PTPRA: variants seen among roughly 807,000 people sequenced by gnomAD.
PTPRA encodes the protein receptor-type tyrosine-protein phosphatase alpha.
In PTPRA, 25 loss-of-function variants were observed where a neutral mutation model predicts 104.8. That is an observed-to-expected ratio of 0.24 (90% confidence interval 0.17 to 0.33). PTPRA has a LOEUF of 0.33. Ranked by LOEUF, PTPRA falls within the 10% of genes least tolerant of loss-of-function variation. PTPRA has a pLI of 1.00. For synonymous variants in PTPRA, 323 were observed against 368.9 expected (o/e 0.88, Z 1.43); for missense variants, 765 against 1,015.3 (o/e 0.75, Z 3.35).
At chr20:3,007,491 CTG>C in intron 11 of PTPRA, 71 bp downstream of exon 11, 1 of 1,468,470 alleles carries the variant, frequency 6.8e-7, no homozygotes, top group Non-Finnish European at 9.5e-7. Flanking sequence ...TCCTCCCCAG[CTG>C]TGTGTTAGGA....
chr20:3,032,724 C>T lies in PTPRA; in HGVS notation c.1921-2861C>T, dbSNP rs188976261. ...AAGGTTGCAATGAGCCAAGATCGCG[C>T]CACTGCATTCCAGCCTGGTGGCAGA... On this transcript the variant is annotated intron_variant, in intron 20 of 23. Transcript: ENST00000399903. 2.5e-3 allele frequency among the ~76,000 whole-genome samples: 372 copies of T among 151,380 alleles called. 6 individuals carry two copies. Among genetic ancestry groups the T allele is most frequent in the Non-Finnish European group, 3.9e-3 (267 of 67,710 alleles).
intron 1 of PTPRA, among the ~76,000 whole-genome samples, chr20:2,915,008 G>T (rs1208183416): frequency 6.6e-6 from 1 of 151,702 alleles, no homozygotes; most frequent in Non-Finnish European, 1.5e-5. Flanking sequence ...TTTGCATTTT[G>T]ACTTCTTTTA....
intron 20 of PTPRA, among the ~76,000 whole-genome samples, chr20:3,029,085 T>C (rs566257349): frequency 6.6e-6 from 1 of 150,622 alleles, no homozygotes; most frequent in East Asian, 1.9e-4. Context: ...TTTACACATA[T>C]TTTCTCACCC....
intron 17 of PTPRA, among the ~76,000 whole-genome samples, chr20:3,026,129 G>C (rs990230833): frequency 6.6e-6 from 1 of 151,616 alleles, no homozygotes; most frequent in Non-Finnish European, 1.5e-5. Context: ...GTAGAGACAG[G>C]GTTTCACCAT....
At chr20:2,911,898 C>G (rs905659637) in intron 1 of PTPRA, among the ~76,000 whole-genome samples, 2 of 152,052 alleles carry the variant, frequency 1.3e-5, no homozygotes, top group Non-Finnish European at 2.9e-5. Context: ...AGACTGCTCT[C>G]AAACTAAAGA....
chr20:2,893,565 T>C (rs1391858358), intron 1 of PTPRA, among the ~76,000 whole-genome samples: 1 of 152,190 alleles, frequency 6.6e-6, no homozygotes, highest in African/African-American at 2.4e-5. Context: ...ATATCATATA[T>C]TTAATCACAT....
At chr20:2,904,337 G>A (rs1011920509) in intron 1 of PTPRA, among the ~76,000 whole-genome samples, 1 of 152,060 alleles carries the variant, frequency 6.6e-6, no homozygotes, top group African/African-American at 2.4e-5. Context: ...AGACTAATTT[G>A]AAGAAAACTA....
At chr20:2,967,600 C>CTGG (rs2061992715) in intron 5 of PTPRA, among the ~76,000 whole-genome samples, 1 of 152,158 alleles carries the variant, frequency 6.6e-6, no homozygotes, top group African/African-American at 2.4e-5. Context: ...CTGGCTAACA[C>CTGG]CTGTAATCCC....
At chr20:2,910,004 CATATATCATATATAATCTATCAT>C in intron 1 of PTPRA, among the ~76,000 whole-genome samples, 1 of 63,242 alleles carries the variant, frequency 1.6e-5, no homozygotes, top group African/African-American at 1.1e-4. Flanking sequence ...TATAATCTAT[CATATATCATATATAATCTATCAT>C]ATATCATATC....
intron 2 of PTPRA, among the ~76,000 whole-genome samples, chr20:2,924,257 CT>C (rs2060207633): frequency 6.6e-6 from 1 of 152,100 alleles, no homozygotes; most frequent in African/African-American, 2.4e-5. Flanking sequence ...CAAAAATGAG[CT>C]GAGTGTGGTG....
At chr20:2,864,241 C>G in the PTPRA span, 4 of 1,614,222 alleles carry the variant, frequency 2.5e-6, no homozygotes, top group Admixed American at 6.7e-5. The surrounding 1 kb of genome is among the most constrained non-coding windows in gnomAD (Gnocchi z 5.2). Flanking sequence ...TGAAGAGGAG[C>G]AAACTGGCAC....
In PTPRA at chr20:2,950,421, G is replaced by A. The variant is rs989149025; in HGVS notation, c.-7+2397G>A. 8.6e-5 allele frequency among the ~76,000 whole-genome samples: 13 copies of A among 151,702 alleles called. No individual in the cohort carries two copies. The highest frequency in any genetic ancestry group is 1.5e-4 in the African/African-American group (6 of 41,294). ...TGGGAGGCCGAGGCGGGCGGATCAC[G>A]AGGTCAAGAGATCGAGACCATCCTG... On this transcript the variant is annotated intron_variant, in intron 3 of 23. Coordinates refer to ENST00000399903, the MANE Select transcript of PTPRA (RefSeq NM_001385305.1). The surrounding 1 kb of genome is among the most constrained non-coding windows in gnomAD (Gnocchi z 4.0).
At chr20:2,867,034 T>C in the PTPRA span, among the ~76,000 whole-genome samples, 1 of 152,252 alleles carries the variant, frequency 6.6e-6, no homozygotes, top group Non-Finnish European at 1.5e-5. Context: ...CTAAACACTT[T>C]TGCTGCCTGT....
chr20:2,864,805 G>T, the PTPRA span: 3 of 1,169,594 alleles, frequency 2.6e-6, no homozygotes, highest in Non-Finnish European at 3.7e-6. The surrounding 1 kb of genome is among the most constrained non-coding windows in gnomAD (Gnocchi z 5.2). Flanking sequence ...CAGGATGGGG[G>T]TTAGTGTCAG....
chr20:2,933,606 G>A (rs1055047583), intron 2 of PTPRA, among the ~76,000 whole-genome samples: 4 of 151,752 alleles, frequency 2.6e-5, no homozygotes, highest in African/African-American at 4.8e-5. Flanking sequence ...GATTACAGGC[G>A]CACGCCACCA....
intron 2 of PTPRA, among the ~76,000 whole-genome samples, chr20:2,924,045 G>GT (rs766160728): frequency 2.6e-4 from 40 of 152,196 alleles, no homozygotes; most frequent in Admixed American, 4.6e-4. Flanking sequence ...ACATACAAAT[G>GT]TTCACTGCAG....
At chr20:3,004,072 C>A (rs2063750449) in intron 9 of PTPRA, among the ~76,000 whole-genome samples, 1 of 152,170 alleles carries the variant, frequency 6.6e-6, no homozygotes, top group Non-Finnish European at 1.5e-5. Flanking sequence ...GGCTGGAGTA[C>A]AATGGCGTGA....
At chr20:2,864,376 T>C in the PTPRA span, 1 of 1,614,156 alleles carries the variant, frequency 6.2e-7, no homozygotes, top group Non-Finnish European at 8.5e-7. This position sits in a 1 kb window ranked among gnomAD's most constrained non-coding sequence, Gnocchi z 5.2. Flanking sequence ...GTTCACGGTG[T>C]TGCTGCACCT....
chr20:2,937,127 C>CTTTTT (rs5839977), intron 2 of PTPRA, among the ~76,000 whole-genome samples: 3 of 136,944 alleles, frequency 2.2e-5, no homozygotes, highest in African/African-American at 5.4e-5. Flanking sequence ...CTTTCTTCTT[C>CTTTTT]TTTTTTTTTT....
Sources: gnomAD v4.1 joint callset for allele counts (sites outside exome capture counted in the v4.1 genomes callset) on GRCh38, gnomAD v4.1.1 for gene constraint, Gnocchi (gnomAD v3.1) non-coding constraint, MANE v1.5 for transcripts, NCBI Gene and HGNC (gene_info 2026-07-23, HGNC 2026-07-21) for gene names.